The following RIGI variants were observed in gnomAD, a reference collection of about 807,000 sequenced individuals.
The protein encoded by RIGI is antiviral innate immune response receptor RIG-I.
chr9:32,525,417 T>C, the RIGI span, among the ~76,000 whole-genome samples: 2 of 152,148 alleles, frequency 1.3e-5, no homozygotes, highest in Non-Finnish European at 2.9e-5. Context: ...CTTTCACCTC[T>C]TTCCCAGAAG....
the RIGI span, chr9:32,526,131 GA>G: frequency 6.2e-7 from 1 of 1,613,810 alleles, no homozygotes; most frequent in Middle Eastern, 1.6e-4. Flanking sequence ...TATAATCCTG[GA>G]AGGCTTGCAG....
At chr9:32,458,173 C>T in the RIGI span, among the ~76,000 whole-genome samples, 2 of 152,140 alleles carry the variant, frequency 1.3e-5, no homozygotes, top group African/African-American at 2.4e-5. Flanking sequence ...CACTGTGCCC[C>T]CCATGCAAGA....
the RIGI span, among the ~76,000 whole-genome samples, chr9:32,470,985 A>G: frequency 6.6e-6 from 1 of 152,266 alleles, no homozygotes; most frequent in Non-Finnish European, 1.5e-5. Flanking sequence ...TTGGCTAGGC[A>G]TGGTGTTTCA....
the RIGI span, chr9:32,489,498 G>GA: frequency 8.1e-7 from 1 of 1,232,694 alleles, no homozygotes; most frequent in Non-Finnish European, 1.2e-6. Flanking sequence ...CTGCTCTGAG[G>GA]AATCACGGCA....
chr9:32,476,269 G>A, the RIGI span, among the ~76,000 whole-genome samples: 1 of 152,182 alleles, frequency 6.6e-6, no homozygotes, highest in Non-Finnish European at 1.5e-5. Flanking sequence ...GGCAAGGTGG[G>A]AGGATTATGT....
the RIGI span, among the ~76,000 whole-genome samples, chr9:32,516,825 A>T: frequency 6.6e-6 from 1 of 152,110 alleles, no homozygotes; most frequent in Non-Finnish European, 1.5e-5. Flanking sequence ...CTCAATTTGG[A>T]AAATTCCTAA....
the RIGI span, among the ~76,000 whole-genome samples, chr9:32,523,259 T>C: frequency 6.6e-6 from 1 of 152,156 alleles, no homozygotes; most frequent in Non-Finnish European, 1.5e-5. Context: ...CCCTGGTGTT[T>C]CAGTAACAAT....
chr9:32,478,564 TTGAC>T, the RIGI span, among the ~76,000 whole-genome samples: 1 of 152,134 alleles, frequency 6.6e-6, no homozygotes, highest in Non-Finnish European at 1.5e-5. Flanking sequence ...GCTTTATTGA[TTGAC>T]TGATTGATTG....
At chr9:32,512,096 A>C in the RIGI span, among the ~76,000 whole-genome samples, 1 of 152,224 alleles carries the variant, frequency 6.6e-6, no homozygotes, top group Non-Finnish European at 1.5e-5. Context: ...AACCAAAAAA[A>C]GCCCAGGACC....
chr9:32,517,486 C>A, the RIGI span, among the ~76,000 whole-genome samples: 4 of 152,188 alleles, frequency 2.6e-5, no homozygotes, highest in South Asian at 6.2e-4. Flanking sequence ...AAGTGTTTTT[C>A]AAGTTCACAT....
chr9:32,478,272 T>G, the RIGI span, among the ~76,000 whole-genome samples: 6 of 152,204 alleles, frequency 3.9e-5, no homozygotes, highest in South Asian at 1.0e-3. Flanking sequence ...CTTGAACTCC[T>G]GACCTCAGGT....
At chr9:32,476,863 T>A in the RIGI span, 4 of 856,670 alleles carry the variant, frequency 4.7e-6, no homozygotes, top group African/African-American at 6.8e-5. Context: ...CCCAAGCAAT[T>A]CTCCTGCCTT....
At chr9:32,471,970 T>C in the RIGI span, among the ~76,000 whole-genome samples, 4 of 152,062 alleles carry the variant, frequency 2.6e-5, no homozygotes, top group African/African-American at 9.7e-5. Flanking sequence ...AGGGTGCTTA[T>C]TATAAACAAC....
the RIGI span, among the ~76,000 whole-genome samples, chr9:32,520,033 A>C: frequency 1.3e-5 from 2 of 152,064 alleles, no homozygotes; most frequent in Non-Finnish European, 2.9e-5. Flanking sequence ...CTGTGTGCTT[A>C]TTGTCACTTT....
At chr9:32,498,233 G>A in the RIGI span, 1 of 455,398 alleles carries the variant, frequency 2.2e-6, no homozygotes, top group Non-Finnish European at 4.4e-6. Context: ...GACATCAGAG[G>A]GCCAAAAACT....
chr9:32,471,458 G>A, the RIGI span, among the ~76,000 whole-genome samples: 1 of 152,192 alleles, frequency 6.6e-6, no homozygotes, highest in South Asian at 2.1e-4. Flanking sequence ...AGCAATTATG[G>A]CTTGTCAGAT....
At chr9:32,514,383 T>C in the RIGI span, among the ~76,000 whole-genome samples, 8 of 152,174 alleles carry the variant, frequency 5.3e-5, no homozygotes, top group Non-Finnish European at 1.2e-4. Context: ...CACCATGGAA[T>C]ACTACGCAGC....
chr9:32,514,417 C>A, the RIGI span, among the ~76,000 whole-genome samples: 1 of 152,160 alleles, frequency 6.6e-6, no homozygotes, highest in Admixed American at 6.5e-5. Context: ...GAGTTCATGT[C>A]CTTTGCAGGG....
At chr9:32,479,849 A>AAG in the RIGI span, among the ~76,000 whole-genome samples, 1 of 152,046 alleles carries the variant, frequency 6.6e-6, no homozygotes, top group African/African-American at 2.4e-5. Context: ...AAAAAAAAAA[A>AAG]AAGTATACAT....
Sources: allele counts gnomAD v4.1 joint callset (sites outside exome capture counted in the v4.1 genomes callset), GRCh38; gene constraint gnomAD v4.1.1; transcripts MANE v1.5; gene names NCBI Gene and HGNC (gene_info 2026-07-23, HGNC 2026-07-21).